The following REEP1 variants were observed in gnomAD, a reference collection of about 807,000 sequenced individuals.
The protein encoded by REEP1 is receptor accessory protein 1.
A neutral mutation model predicts 40.3 loss-of-function variants in REEP1; 22 were observed. That is an observed-to-expected ratio of 0.55 (90% CI 0.39 to 0.78). The LOEUF is 0.78. REEP1 is among the 30% of genes least tolerant of loss of function. REEP1 has a pLI of 0.00. For synonymous variants in REEP1, 116 were observed against 139.2 expected, an observed-to-expected ratio of 0.83 and a Z score of 1.17; for missense variants, 280 against 361.1, an observed-to-expected ratio of 0.78 and a Z score of 1.82.
chr2:86,220,042 G>T lies in REEP1; in HGVS notation c.711C>A (p.Asp237Glu), dbSNP rs1050149764. ...HQVQNPLAFS[D>E]DEEEDLLDFM... ...AATCCAGCAGGTCTTCCTCCTCGTC[G>T]TCAGAAAACGCCAATGGGTTTTGGA... Residue 237 changes from aspartate to glutamate, a missense_variant, in exon 8 of 9, where the codon GAC (aspartate) becomes GAA (glutamate). Asp to Glu is a conservative substitution (Grantham distance 45). This residue lies in a region of REEP1 where 201 missense variants were observed against 238.5 expected (regional missense o/e 0.84). Transcript: ENST00000538924. 2.4e-6 allele frequency: 3 copies of T among 1,232,146 alleles called. No individual in the cohort carries two copies. Among genetic ancestry groups the T allele is most frequent in the Non-Finnish European group, 3.0e-6 (3 of 987,984 alleles). 76.3% of individuals were successfully genotyped at this position (1,232,146 alleles called of 1,614,324 possible).
chr2:86,266,824 G>A (rs548180410), intron 2 of REEP1, among the ~76,000 whole-genome samples: 65 of 151,184 alleles, frequency 4.3e-4, no homozygotes, highest in Middle Eastern at 3.5e-3. Flanking sequence ...TGGCTAACAC[G>A]ATGAAACCCC....
intron 7 of REEP1, among the ~76,000 whole-genome samples, chr2:86,221,211 A>C (rs545030351): frequency 3.9e-5 from 6 of 152,226 alleles, no homozygotes; most frequent in Non-Finnish European, 7.4e-5. Context: ...TGGAGTAAAA[A>C]AACAGACAAC....
chr2:86,253,211 G>A (rs1416085728), intron 4 of REEP1, among the ~76,000 whole-genome samples: 2 of 152,276 alleles, frequency 1.3e-5, no homozygotes, highest in African/African-American at 4.8e-5. Flanking sequence ...AGCCCAGGAG[G>A]CAGAGGTTGC....
At chr2:86,231,470 C>T (rs532323120) in intron 6 of REEP1, among the ~76,000 whole-genome samples, 3 of 152,238 alleles carry the variant, frequency 2.0e-5, no homozygotes, top group Admixed American at 6.5e-5. Flanking sequence ...TCCCAGGCAG[C>T]CGCAGGCCTC....
intron 1 of REEP1, among the ~76,000 whole-genome samples, chr2:86,295,538 G>T (rs1176819103): frequency 2.0e-5 from 3 of 152,230 alleles, no homozygotes; most frequent in Non-Finnish European, 1.5e-5. Context: ...TTTTGTTTTT[G>T]TTTTGAGACG....
intron 1 of REEP1, among the ~76,000 whole-genome samples, chr2:86,305,135 G>C (rs958027548): frequency 1.3e-5 from 2 of 152,290 alleles, no homozygotes; most frequent in South Asian, 2.1e-4. Flanking sequence ...AAAGGAGAGA[G>C]AGACAGACAG....
chr2:86,332,693 G>A (rs1003442163), intron 1 of REEP1, among the ~76,000 whole-genome samples: 1 of 152,222 alleles, frequency 6.6e-6, no homozygotes, highest in Non-Finnish European at 1.5e-5. Context: ...ATAAGACACA[G>A]TGGGAAGAAG....
rs182806419 is a variant in REEP1 at position 86,239,948 on chromosome 2, G to A, written c.418-7146C>T. ...TCTGATCCAGACCACGTGCTGGTGA[G>A]CAGAGCCGGTGGCCTGGCCTCGCTG... On this transcript the variant is annotated intron_variant, in intron 5 of 8. Transcript: ENST00000538924. 4.6e-5 allele frequency: 7 copies of A among 152,690 alleles called. No individual in the cohort carries two copies. In the East Asian group the frequency reaches 1.4e-3, roughly 30 times the overall value. 9.5% of individuals were successfully genotyped at this position (152,690 alleles called of 1,614,324 possible). A position where few individuals can be genotyped will look rare whatever the true frequency, so the allele number is the denominator to read the frequency against.
At chr2:86,309,327 T>C (rs925426606) in intron 1 of REEP1, among the ~76,000 whole-genome samples, 7 of 152,220 alleles carry the variant, frequency 4.6e-5, no homozygotes, top group African/African-American at 1.7e-4. Context: ...GACCCAAACC[T>C]AACTTCCCCC....
intron 1 of REEP1, among the ~76,000 whole-genome samples, chr2:86,306,597 C>T (rs546338609): frequency 6.6e-6 from 1 of 152,302 alleles, no homozygotes; most frequent in South Asian, 2.1e-4. Flanking sequence ...CAAGCAGTTA[C>T]TGTAACCTTA....
chr2:86,222,122 G>A (rs1674464082), intron 7 of REEP1, among the ~76,000 whole-genome samples: 1 of 152,198 alleles, frequency 6.6e-6, no homozygotes, highest in African/African-American at 2.4e-5. Context: ...TAGTTATCCA[G>A]TCTGGATTCA....
chr2:86,297,888 C>A (rs1442704877), intron 1 of REEP1: 5 of 202,764 alleles, frequency 2.5e-5, no homozygotes, highest in Non-Finnish European at 4.4e-5. Context: ...GTTCCCTTTC[C>A]CTAGATGTGT....
chr2:86,256,685 GGT>G (rs1193740190), intron 3 of REEP1, among the ~76,000 whole-genome samples: 1 of 152,106 alleles, frequency 6.6e-6, no homozygotes, highest in Non-Finnish European at 1.5e-5. Flanking sequence ...GGCTCTGCAT[GGT>G]GTGCTGTGCC....
intron 5 of REEP1, among the ~76,000 whole-genome samples, chr2:86,239,306 C>T (rs186432578): frequency 4.7e-5 from 7 of 149,438 alleles, no homozygotes; most frequent in East Asian, 4.1e-4. Flanking sequence ...CTCCAGAAAC[C>T]GAATGAGTGT....
intron 2 of REEP1, among the ~76,000 whole-genome samples, chr2:86,275,181 C>T (rs1677689411): frequency 6.6e-6 from 1 of 152,170 alleles, no homozygotes; most frequent in Admixed American, 6.5e-5. Flanking sequence ...GATGACTCTG[C>T]ACCATCTGCT....
At chr2:86,309,163 C>T (rs983571213) in intron 1 of REEP1, among the ~76,000 whole-genome samples, 1 of 152,234 alleles carries the variant, frequency 6.6e-6, no homozygotes, top group African/African-American at 2.4e-5. Context: ...CTCCAGCCCG[C>T]TCCTGTCACT....
At chr2:86,310,761 C>A (rs902075109) in intron 1 of REEP1, among the ~76,000 whole-genome samples, 2 of 151,796 alleles carry the variant, frequency 1.3e-5, no homozygotes, top group Non-Finnish European at 2.9e-5. Context: ...GTAGTAATAA[C>A]AATGTACGGT....
At chr2:86,318,088 C>T (rs375800075) in intron 1 of REEP1, among the ~76,000 whole-genome samples, 11 of 152,270 alleles carry the variant, frequency 7.2e-5, no homozygotes, top group East Asian at 3.9e-4. Context: ...TACTTGAAGG[C>T]GTTTCTGATG....
chr2:86,294,578 T>C (rs1210773730), intron 1 of REEP1, among the ~76,000 whole-genome samples: 1 of 152,216 alleles, frequency 6.6e-6, no homozygotes, highest in African/African-American at 2.4e-5. Flanking sequence ...CAATCCATTG[T>C]AATGACATTT....
Sources: gnomAD v4.1 joint callset for allele counts (sites outside exome capture counted in the v4.1 genomes callset) on GRCh38, gnomAD v4.1.1 for gene constraint, gnomAD v4.1.1 regional missense constraint, MANE v1.5 for transcripts, NCBI Gene and HGNC (gene_info 2026-07-23, HGNC 2026-07-21) for gene names.